Variants in RABGAP1L observed in about 807,000 individuals in gnomAD.
RABGAP1L encodes the protein rab GTPase-activating protein 1-like.
A neutral mutation model predicts 137.7 loss-of-function variants in RABGAP1L; 63 were observed. The ratio of observed to expected loss-of-function variants is 0.46; its 90% CI spans 0.37 to 0.56. The LOEUF (loss-of-function observed/expected upper bound fraction) is 0.56, where lower values mean the gene tolerates loss of function less well. RABGAP1L is among the 20% of genes least tolerant of loss of function. The pLI is 0.00. For missense variants in RABGAP1L, 1,095 were observed against 1,244.0 expected (o/e 0.88, Z 1.80); for synonymous variants, 431 against 433.7 (o/e 0.99, Z 0.08).
chr1:174,584,239 T>C (rs1182654517), intron 13 of RABGAP1L, among the ~76,000 whole-genome samples: 5 of 152,206 alleles, frequency 3.3e-5, no homozygotes, highest in African/African-American at 1.2e-4. Context: ...TGCTCTCATA[T>C]TTTTTGGCAG....
At chr1:174,861,132 C>G (rs1558160028) in intron 19 of RABGAP1L, among the ~76,000 whole-genome samples, 1 of 152,186 alleles carries the variant, frequency 6.6e-6, no homozygotes, top group East Asian at 1.9e-4. Flanking sequence ...CCATTCTACT[C>G]TCTGCTTCTG....
intron 13 of RABGAP1L, among the ~76,000 whole-genome samples, chr1:174,436,439 T>C (rs1251943994): frequency 6.6e-6 from 1 of 152,252 alleles, no homozygotes; most frequent in Non-Finnish European, 1.5e-5. Flanking sequence ...GTTTTTTGGC[T>C]GCATAAATGT....
At chr1:174,316,094 A>T (rs1679354053) in intron 11 of RABGAP1L, among the ~76,000 whole-genome samples, 1 of 152,174 alleles carries the variant, frequency 6.6e-6, no homozygotes, top group African/African-American at 2.4e-5. Flanking sequence ...TGAAAAAATT[A>T]TTTCAATCTC....
chr1:174,275,820 T>G lies in RABGAP1L; in HGVS notation c.1054-13T>G. ...ATGTCTTTTATCAGTAATTACTGTT[T>G]GAATTTTTATAGGAATCCATGGGAA... On this transcript the variant is annotated splice_polypyrimidine_tract_variant and intron_variant, in intron 8 of 25. Coordinates refer to ENST00000681986, the MANE Select transcript of RABGAP1L (RefSeq NM_001366446.1). 6.3e-7 allele frequency: 1 copy of G among 1,598,852 alleles called. No individual in the cohort carries two copies. The highest frequency in any genetic ancestry group is 1.1e-5 in the South Asian group (1 of 88,974).
intron 19 of RABGAP1L, among the ~76,000 whole-genome samples, chr1:174,823,828 C>T (rs1243888051): frequency 6.6e-6 from 1 of 152,116 alleles, no homozygotes; most frequent in Non-Finnish European, 1.5e-5. Flanking sequence ...TAAATATGTA[C>T]AATTATTATG....
chr1:174,438,702 A>G (rs1364090190), intron 13 of RABGAP1L, among the ~76,000 whole-genome samples: 2 of 146,930 alleles, frequency 1.4e-5, no homozygotes, highest in Non-Finnish European at 1.5e-5. Context: ...TGGGAGACAC[A>G]GCAAGACTCT....
chr1:174,652,704 C>T (rs1345077073), intron 14 of RABGAP1L, among the ~76,000 whole-genome samples: 3 of 152,186 alleles, frequency 2.0e-5, no homozygotes, highest in Non-Finnish European at 4.4e-5. Flanking sequence ...CAGATGCCAG[C>T]CGGAGCTCTC....
chr1:174,586,579 G>A (rs549717325), intron 13 of RABGAP1L, among the ~76,000 whole-genome samples: 31 of 152,082 alleles, frequency 2.0e-4, no homozygotes, highest in Middle Eastern at 6.8e-3. Flanking sequence ...AAAATTCTCC[G>A]TATGTATATA....
intron 17 of RABGAP1L, chr1:174,705,519 C>G (rs2148535174): frequency 6.6e-6 from 1 of 152,272 alleles, no homozygotes; most frequent in East Asian, 1.9e-4. Flanking sequence ...AACCTGTACT[C>G]TATAGCTGTT....
At chr1:174,164,846 CT>C (rs768543903) in intron 1 of RABGAP1L, among the ~76,000 whole-genome samples, 2 of 152,224 alleles carry the variant, frequency 1.3e-5, no homozygotes, top group Non-Finnish European at 2.9e-5. Flanking sequence ...ACCCTCTTAA[CT>C]TTGTAAGTGA....
At chr1:174,583,564 G>A (rs1267669172) in intron 13 of RABGAP1L, among the ~76,000 whole-genome samples, 2 of 152,112 alleles carry the variant, frequency 1.3e-5, no homozygotes, top group African/African-American at 4.8e-5. Flanking sequence ...TGAGTAGTAG[G>A]TCATAATCAT....
At chr1:174,925,743 A>G (rs1662677188) in intron 19 of RABGAP1L, among the ~76,000 whole-genome samples, 1 of 151,808 alleles carries the variant, frequency 6.6e-6, no homozygotes, top group African/African-American at 2.4e-5. Context: ...ATTTTTTTGA[A>G]TATTTGTTTT....
intron 19 of RABGAP1L, among the ~76,000 whole-genome samples, chr1:174,896,327 T>C (rs938085766): frequency 2.0e-5 from 3 of 152,234 alleles, no homozygotes; most frequent in African/African-American, 7.2e-5. Flanking sequence ...TCTTTGTAGA[T>C]TCTGGATATT....
intron 17 of RABGAP1L, among the ~76,000 whole-genome samples, chr1:174,709,285 A>C (rs1224581763): frequency 6.6e-6 from 1 of 152,212 alleles, no homozygotes; most frequent in Non-Finnish European, 1.5e-5. Context: ...CCAGCTCTGA[A>C]GAGAACAGTG....
At chr1:174,961,859 A>G in intron 20 of RABGAP1L, among the ~76,000 whole-genome samples, 1 of 149,012 alleles carries the variant, frequency 6.7e-6, no homozygotes, top group Non-Finnish European at 1.5e-5. Flanking sequence ...AAAAAAAAAA[A>G]AAAAAAAAAA....
intron 14 of RABGAP1L, among the ~76,000 whole-genome samples, chr1:174,648,918 C>T (rs1430603078): frequency 8.5e-5 from 13 of 152,082 alleles, no homozygotes; most frequent in Non-Finnish European, 1.6e-4. Flanking sequence ...GGATAGTTAG[C>T]TCTTCTTGTT....
intron 14 of RABGAP1L, among the ~76,000 whole-genome samples, chr1:174,651,166 G>A (rs1194841371): frequency 6.6e-6 from 1 of 151,978 alleles, no homozygotes; most frequent in Non-Finnish European, 1.5e-5. Flanking sequence ...TCTTAATCCT[G>A]AGTTCTAGTT....
intron 13 of RABGAP1L, among the ~76,000 whole-genome samples, chr1:174,524,403 G>T (rs1663698711): frequency 6.6e-6 from 1 of 152,000 alleles, no homozygotes; most frequent in South Asian, 2.1e-4. Context: ...CTAATGATTA[G>T]TGATGTTGAA....
intron 18 of RABGAP1L, among the ~76,000 whole-genome samples, chr1:174,762,053 C>T (rs954565762): frequency 6.6e-6 from 1 of 152,012 alleles, no homozygotes; most frequent in Non-Finnish European, 1.5e-5. Context: ...AGGGGATGCT[C>T]TGTGCTGGGA....
Sources: gnomAD v4.1 joint callset for allele counts (sites outside exome capture counted in the v4.1 genomes callset) on GRCh38, gnomAD v4.1.1 for gene constraint, MANE v1.5 for transcripts, NCBI Gene and HGNC (gene_info 2026-07-23, HGNC 2026-07-21) for gene names.